MLIP: variants seen among roughly 807,000 people sequenced by gnomAD.
MLIP encodes muscular LMNA-interacting protein.
Under a neutral mutation model 84.8 loss-of-function variants are expected in MLIP, and 79 were observed. The ratio of observed to expected loss-of-function variants is 0.93; its 90% CI spans 0.78 to 1.12. MLIP has a LOEUF of 1.12. Ranked by LOEUF, MLIP falls within the 50% of genes most tolerant of loss-of-function variation. MLIP has a pLI of 0.00. For missense variants in MLIP, 1,257 were observed against 1,160.6 expected (o/e 1.08, Z -1.21); for synonymous variants, 504 against 463.0 (o/e 1.09, Z -1.14).
chr6:54,021,069 A>C (rs1763473626), intron 1 of MLIP, among the ~76,000 whole-genome samples: 1 of 152,218 alleles, frequency 6.6e-6, no homozygotes, highest in South Asian at 2.1e-4. Flanking sequence ...GTTTCCAATA[A>C]AAGTTATTTT....
At chr6:54,163,276 A>G (rs1002695399) in intron 8 of MLIP, among the ~76,000 whole-genome samples, 3 of 151,674 alleles carry the variant, frequency 2.0e-5, no homozygotes, top group Non-Finnish European at 1.5e-5. Context: ...CCTTTTGTCT[A>G]ATTTTCTCAG....
At chr6:54,065,967 C>G (rs1305870926) in intron 1 of MLIP, among the ~76,000 whole-genome samples, 1 of 98,802 alleles carries the variant, frequency 1.0e-5, no homozygotes, top group African/African-American at 2.6e-5. Context: ...TCAAATACAT[C>G]AAAATATATA....
intron 11 of MLIP, chr6:54,216,381 C>CTA: frequency 1.0e-6 from 1 of 985,294 alleles, no homozygotes; most frequent in Non-Finnish European, 1.2e-6. Flanking sequence ...CAGAATCCAA[C>CTA]TATATGTATA....
intron 1 of MLIP, among the ~76,000 whole-genome samples, chr6:54,090,699 G>A (rs1430556823): frequency 6.8e-6 from 1 of 147,010 alleles, no homozygotes; most frequent in African/African-American, 2.7e-5. Flanking sequence ...CAGAGAAAGA[G>A]AGAGAGAGAG....
intron 12 of MLIP, among the ~76,000 whole-genome samples, chr6:54,245,500 G>A (rs767771041): frequency 6.6e-6 from 1 of 152,170 alleles, no homozygotes; most frequent in Non-Finnish European, 1.5e-5. Context: ...AGTCTTAGCT[G>A]AGTGAATGCG....
At chr6:54,120,853 T>C (rs1770391700) in intron 1 of MLIP, among the ~76,000 whole-genome samples, 1 of 152,148 alleles carries the variant, frequency 6.6e-6, no homozygotes, top group African/African-American at 2.4e-5. Context: ...TGTTCACCGT[T>C]GTTTCCCTAC....
At chr6:54,118,702 G>A (rs1040525845) in intron 1 of MLIP, among the ~76,000 whole-genome samples, 2 of 151,928 alleles carry the variant, frequency 1.3e-5, no homozygotes, top group Admixed American at 6.6e-5. Flanking sequence ...GTACAGCAAG[G>A]GAAACAATCA....
chr6:54,056,902 A>G (rs948480908), intron 1 of MLIP, among the ~76,000 whole-genome samples: 2 of 152,224 alleles, frequency 1.3e-5, no homozygotes, highest in Non-Finnish European at 2.9e-5. Context: ...CATCTCTACC[A>G]TGATTTGTAC....
chr6:54,118,658 G>A (rs1770163140), intron 1 of MLIP, among the ~76,000 whole-genome samples: 1 of 152,100 alleles, frequency 6.6e-6, no homozygotes, highest in African/African-American at 2.4e-5. Context: ...AGCAAAAATT[G>A]ATAAATAGGA....
chr6:54,024,098 C>G (rs980951256), intron 1 of MLIP, among the ~76,000 whole-genome samples: 1 of 152,122 alleles, frequency 6.6e-6, no homozygotes, highest in Non-Finnish European at 1.5e-5. Context: ...CTGCAACCTC[C>G]GCCTCCTGGG....
intron 1 of MLIP, chr6:54,058,149 G>GAAAAA (rs5876351): frequency 6.6e-6 from 1 of 151,744 alleles, no homozygotes; most frequent in South Asian, 2.1e-4. Flanking sequence ...AGGGGGAATA[G>GAAAAA]AAAAAAAACA....
At chr6:54,080,681 T>C (rs1400106945) in intron 1 of MLIP, among the ~76,000 whole-genome samples, 1 of 148,808 alleles carries the variant, frequency 6.7e-6, no homozygotes, top group Non-Finnish European at 1.5e-5. Context: ...AATTTCTTTC[T>C]ATAAAATACA....
intron 12 of MLIP, among the ~76,000 whole-genome samples, chr6:54,245,299 G>T (rs572969442): frequency 6.6e-6 from 1 of 152,192 alleles, no homozygotes; most frequent in African/African-American, 2.4e-5. Flanking sequence ...GAGGGGCAAA[G>T]AGCTGAGCAA....
chr6:54,217,345 ATGCCCTTTGATGT>A, intron 11 of MLIP: 1 of 985,420 alleles, frequency 1.0e-6, no homozygotes, highest in Non-Finnish European at 1.2e-6. Context: ...ATGCCGTAAA[ATGCCCTTTGATGT>A]TGCAATGGAA....
At chr6:54,068,102 T>C (rs1766307332) in intron 1 of MLIP, among the ~76,000 whole-genome samples, 1 of 71,702 alleles carries the variant, frequency 1.4e-5, no homozygotes, top group African/African-American at 3.1e-5. Context: ...TCTCTCTCCC[T>C]CCCTCCCTCC....
At chr6:54,165,634 G>C (rs958506678) in intron 8 of MLIP, among the ~76,000 whole-genome samples, 1 of 151,964 alleles carries the variant, frequency 6.6e-6, no homozygotes, top group Non-Finnish European at 1.5e-5. Flanking sequence ...AATTAGGTTG[G>C]TAGTGAGGTC....
intron 1 of MLIP, among the ~76,000 whole-genome samples, chr6:54,080,691 A>G (rs1767085450): frequency 6.7e-6 from 1 of 148,532 alleles, no homozygotes. Flanking sequence ...TATAAAATAC[A>G]TAAATTTAAT....
intron 4 of MLIP, 86 bp from the exon 5 acceptor site, chr6:54,148,970 A>G (rs774643614): frequency 2.7e-6 from 3 of 1,115,346 alleles, no homozygotes; most frequent in Non-Finnish European, 4.0e-6. Flanking sequence ...ATAACGTATC[A>G]TTTAACTTGG....
chr6:54,261,395 T>C (rs1197518840), intron 13 of MLIP, among the ~76,000 whole-genome samples: 1 of 152,042 alleles, frequency 6.6e-6, no homozygotes, highest in East Asian at 1.9e-4. Context: ...TTAGATGCAT[T>C]TGGTTCTGAC....
Sources: gnomAD v4.1 joint callset for allele counts (sites outside exome capture counted in the v4.1 genomes callset) on GRCh38, gnomAD v4.1.1 for gene constraint, MANE v1.5 for transcripts, NCBI Gene and HGNC (gene_info 2026-07-23, HGNC 2026-07-21) for gene names.